The following BRD2 variants were observed in gnomAD, a reference collection of about 807,000 sequenced individuals.
BRD2 encodes the protein bromodomain containing 2, also known as bromodomain-containing protein 2.
BRD2 carries 15 observed loss-of-function variants against 79.1 expected under a neutral mutation model. The observed-to-expected ratio is 0.19, with a 90% CI of 0.13 to 0.29. BRD2 has a LOEUF of 0.29. BRD2 is among the 10% of genes least tolerant of loss of function. The pLI is 1.00. For missense variants in BRD2, 1,053 were observed against 991.3 expected, an observed-to-expected ratio of 1.06 and a Z score of -0.84; for synonymous variants, 488 against 358.6, an observed-to-expected ratio of 1.36 and a Z score of -4.08.
chr6:32,980,202 A>C (rs150342046), intron 11 of BRD2, 70 bp downstream of exon 11: 1 of 1,576,108 alleles, frequency 6.3e-7, no homozygotes, highest in Non-Finnish European at 8.6e-7. Context: ...GTCTGTTTGC[A>C]TTCAGGATTG....
In BRD2 at chr6:32,977,433, C is replaced by G; in HGVS notation, c.1201-9C>G. 1 of 1,613,826 alleles carries G rather than the reference C, an allele frequency of 6.2e-7. No individual in the cohort carries two copies. Among genetic ancestry groups the G allele is most frequent in the Non-Finnish European group, 8.5e-7 (1 of 1,180,020 alleles). ...CCTGTGCAGCTTCTGATGCTGCCTC[C>G]TTCTGCAGCGGAAGATGGAGAACCG... On this transcript the variant is annotated splice_polypyrimidine_tract_variant and intron_variant, in intron 7 of 12. Transcript: ENST00000374825.
chr6:32,980,572 T>C lies in BRD2; in HGVS notation c.2270-10T>C, dbSNP rs565450285. Reference sequence around the variant, plus strand: ...CTTGAACGTCTTTAACTTTCGAATTTGTTCTGCAGCGAATGAGAAAACAGA... The same window carrying C: ...CTTGAACGTCTTTAACTTTCGAATTCGTTCTGCAGCGAATGAGAAAACAGA... On this transcript the variant is annotated splice_polypyrimidine_tract_variant and intron_variant, in intron 12 of 12. Coordinates refer to ENST00000374825, the MANE Select transcript of BRD2 (RefSeq NM_005104.4). The C allele has an allele frequency of 1.4e-5, 23 of 1,613,084 alleles. No homozygotes were observed. In the South Asian group the frequency reaches 2.5e-4, roughly 18 times the overall value.
chr6:32,973,172 TAA>T, intron 2 of BRD2: 3 of 1,540,100 alleles, frequency 1.9e-6, no homozygotes, highest in Non-Finnish European at 2.6e-6. Flanking sequence ...GGCCCAGTCT[TAA>T]CCGAGTCAGG....
chr6:32,979,204 A>T, intron 10 of BRD2: 1 of 159,338 alleles, frequency 6.3e-6, no homozygotes. Flanking sequence ...GGCATGCGCC[A>T]CCACGCCCAG....
At chr6:32,973,985 G>A (rs1352704213) in intron 2 of BRD2, among the ~76,000 whole-genome samples, 3 of 152,052 alleles carry the variant, frequency 2.0e-5, no homozygotes, top group Admixed American at 1.3e-4. Flanking sequence ...GGATTATTCT[G>A]TGTCTTATCA....
chr6:32,979,591 C>T (rs1435295883), intron 10 of BRD2: 7 of 460,408 alleles, frequency 1.5e-5, no homozygotes, highest in African/African-American at 2.0e-5. Flanking sequence ...AATATTTTTT[C>T]ATTAAGGTAT....
At chr6:32,976,527 G>A (rs1405992842) in intron 6 of BRD2, 35 bp from the exon 7 acceptor site, 1 of 1,594,256 alleles carries the variant, frequency 6.3e-7, no homozygotes, top group Non-Finnish European at 8.5e-7. Context: ...AGTGGGCTTG[G>A]AGTGACAGGT....
intron 3 of BRD2, 51 bp downstream of exon 3, chr6:32,974,816 G>A: frequency 6.3e-7 from 1 of 1,581,172 alleles, no homozygotes; most frequent in Non-Finnish European, 8.6e-7. Context: ...AAGAATGCGT[G>A]TGAATGGGGG....
intron 1 of BRD2, chr6:32,969,292 G>A: frequency 1.4e-6 from 1 of 713,466 alleles, no homozygotes; most frequent in South Asian, 1.5e-5. Flanking sequence ...AAAGGGGTTA[G>A]GGGGCGGTGT....
At position 32,976,340 on chromosome 6, in the gene BRD2, C is replaced by T. The variant is rs753685053; in HGVS notation, c.701C>T (p.Pro234Leu). Residue 234 changes from proline to leucine, a missense_variant, in exon 6 of 13, where the codon CCT becomes CTT. Physicochemically the swap from Pro to Leu is moderately conservative, Grantham distance 98. Coordinates refer to ENST00000374825, the MANE Select transcript of BRD2 (RefSeq NM_005104.4). ...CTGTATACTCCTCCACCTGAGATAC[C>T]TACCACTGTCCTCAACATTCCCCAC... is the stretch of plus-strand genomic sequence containing the variant. ...TALYTPPPEI[P>L]TTVLNIPHPS... 1.2e-6 allele frequency: 2 copies of T among 1,613,080 alleles called. No individual in the cohort carries two copies. Among genetic ancestry groups the T allele is most frequent in the Admixed American group, 1.7e-5 (1 of 60,034 alleles).
chr6:32,977,118 G>A (rs1180207900), intron 7 of BRD2, 182 bp downstream of exon 7: 1 of 1,213,934 alleles, frequency 8.2e-7, no homozygotes, highest in African/African-American at 1.5e-5. Context: ...GTTTGAAACA[G>A]TAGGGTGGGG....
intron 4 of BRD2, 35 bp downstream of exon 4, chr6:32,975,556 G>C: frequency 6.2e-7 from 1 of 1,605,980 alleles, no homozygotes. Context: ...AGTAGGTGGG[G>C]AGAAACAGTA....
At chr6:32,969,998 A>G (rs1046560706) in intron 1 of BRD2, among the ~76,000 whole-genome samples, 2 of 152,158 alleles carry the variant, frequency 1.3e-5, no homozygotes, top group African/African-American at 2.4e-5. Context: ...CTGGTGACTC[A>G]TGTGGGGGAA....
At position 32,980,076 on chromosome 6, in the gene BRD2, G is replaced by C; in HGVS notation, c.2090G>C (p.Arg697Thr). ...GAAACACTCAAGCCATCCACACTTA[G>C]AGAGCTTGAGCGCTATGTCCTTTCC... is the stretch of plus-strand genomic sequence containing the variant. ...DFETLKPSTL[R>T]ELERYVLSCL... Residue 697 changes from arginine to threonine, a missense_variant, in exon 11 of 13, where the codon AGA becomes ACA. Arg to Thr is a moderately conservative substitution (Grantham distance 71, BLOSUM62 -1). This residue lies in a region of BRD2 where 139 missense variants were observed against 133.2 expected (regional missense o/e 1.04). Transcript: ENST00000374825. 3 of 1,613,038 alleles carry C rather than the reference G, an allele frequency of 1.9e-6. No individual in the cohort carries two copies. Among genetic ancestry groups the C allele is most frequent in the East Asian group, 2.2e-5 (1 of 44,894 alleles).
At chr6:32,970,763 T>C (rs1777872320) in intron 1 of BRD2, 1 of 151,974 alleles carries the variant, frequency 6.6e-6, no homozygotes, top group Non-Finnish European at 1.5e-5. Context: ...TCTGCACCCT[T>C]ATTTAGATAA....
chr6:32,972,055 CCTTCGACTCAGCT>C lies in BRD2; in HGVS notation c.-843_-831del. The C allele has an allele frequency of 1.4e-6, 1 of 700,476 alleles. No individual in the cohort carries two copies. The highest frequency in any genetic ancestry group is 2.6e-6 in the Non-Finnish European group (1 of 384,188). 43.4% of individuals were successfully genotyped at this position (700,476 alleles called of 1,614,324 possible). A position where few individuals can be genotyped will look rare whatever the true frequency, so the allele number is the denominator to read the frequency against. On this transcript the variant is annotated 5_prime_UTR_variant, in exon 2 of 13. It introduces an in-frame stop codon into an upstream open reading frame of the 5' UTR. Coordinates refer to ENST00000374825, the MANE Select transcript of BRD2 (RefSeq NM_005104.4). ...GCTCCCGCGGAGAGGTGTTCCTTCC[CCTTCGACTCAGCT>C]TCTTCACCCGCGTGAGCGAGCGCGC...
At chr6:32,974,174 T>C (rs1164918034) in intron 2 of BRD2, among the ~76,000 whole-genome samples, 1 of 152,198 alleles carries the variant, frequency 6.6e-6, no homozygotes, top group Non-Finnish European at 1.5e-5. Flanking sequence ...TGTCGTGCCT[T>C]GTCAGAAACA....
At position 32,978,110 on chromosome 6, in the gene BRD2, G is replaced by GT. The variant is rs2066761; in HGVS notation, c.1579-8dup. 118 of 1,593,430 alleles carry GT rather than the reference G, an allele frequency of 7.4e-5. No individual in the cohort carries two copies. In the African/African-American group the frequency reaches 1.2e-3, roughly 16 times the overall value. ...TCTTTATTTACTTTTTCCACTTCATGTTTTTTTTCCTTTAGCTTCGGGCAG... is the reference window on the plus strand; with the variant it reads ...TCTTTATTTACTTTTTCCACTTCATGTTTTTTTTTCCTTTAGCTTCGGGCAG... On this transcript the variant is annotated splice_polypyrimidine_tract_variant and intron_variant, in intron 9 of 12. Coordinates refer to ENST00000374825, the MANE Select transcript of BRD2 (RefSeq NM_005104.4).
At chr6:32,969,113 G>T (rs1399440454) in intron 1 of BRD2, 57 bp downstream of exon 1, 4 of 536,290 alleles carry the variant, frequency 7.5e-6, no homozygotes, top group Non-Finnish European at 1.4e-5. Context: ...CCAATGGTGG[G>T]GAGTCCGGGA....
Sources: gnomAD v4.1 joint callset for allele counts (sites outside exome capture counted in the v4.1 genomes callset) on GRCh38, gnomAD v4.1.1 for gene constraint, gnomAD v4.1.1 regional missense constraint, MANE v1.5 for transcripts, NCBI Gene and HGNC (gene_info 2026-07-23, HGNC 2026-07-21) for gene names.